Variants in AFG2A observed in about 807,000 individuals in gnomAD.
The protein encoded by AFG2A is AAA ATPase AFG2A.
the AFG2A span, among the ~76,000 whole-genome samples, chr4:122,953,608 G>A: frequency 2.6e-5 from 4 of 152,214 alleles, no homozygotes; most frequent in African/African-American, 9.7e-5. Flanking sequence ...AAGGGTGGCG[G>A]GCTGAACCTG....
chr4:122,927,512 C>T, the AFG2A span: 3 of 945,830 alleles, frequency 3.2e-6, no homozygotes, highest in South Asian at 2.2e-5. Flanking sequence ...CTAGTTTCTC[C>T]AGGGTATGGT....
At chr4:123,100,203 T>C in the AFG2A span, among the ~76,000 whole-genome samples, 4 of 151,818 alleles carry the variant, frequency 2.6e-5, no homozygotes, top group African/African-American at 9.7e-5. Context: ...TGGGGAACTA[T>C]TAATTCACGA....
chr4:123,224,274 A>G, the AFG2A span, among the ~76,000 whole-genome samples: 1 of 151,892 alleles, frequency 6.6e-6, no homozygotes, highest in African/African-American at 2.4e-5. Context: ...GGTTTGTTAC[A>G]TATGTATACA....
At chr4:123,038,296 A>G in the AFG2A span, among the ~76,000 whole-genome samples, 16 of 152,090 alleles carry the variant, frequency 1.1e-4, no homozygotes, top group African/African-American at 3.4e-4. Context: ...AAAAGGGATA[A>G]GACATAGTAA....
At chr4:123,077,142 G>T in the AFG2A span, among the ~76,000 whole-genome samples, 2 of 151,420 alleles carry the variant, frequency 1.3e-5, no homozygotes, top group Non-Finnish European at 2.9e-5. Flanking sequence ...CCGCCTCCTG[G>T]GTTCACACCA....
chr4:122,935,077 T>G, the AFG2A span, among the ~76,000 whole-genome samples: 4 of 152,194 alleles, frequency 2.6e-5, no homozygotes. Context: ...GTAAAACTTC[T>G]TAGGAAATGT....
At chr4:123,090,827 G>T in the AFG2A span, 7 of 1,356,296 alleles carry the variant, frequency 5.2e-6, no homozygotes, top group Non-Finnish European at 7.0e-6. Context: ...ATTGAAGAAT[G>T]TAAAGCAGGT....
At chr4:123,288,809 T>A in the AFG2A span, among the ~76,000 whole-genome samples, 1 of 152,070 alleles carries the variant, frequency 6.6e-6, no homozygotes, top group African/African-American at 2.4e-5. Flanking sequence ...ACCTAGCCCT[T>A]CAGTGTTTCT....
At chr4:123,134,595 A>ATTTT in the AFG2A span, among the ~76,000 whole-genome samples, 344 of 132,682 alleles carry the variant, frequency 2.6e-3, 6 homozygotes, top group East Asian at 0.014. Context: ...GAATTTTAGG[A>ATTTT]TTTTTTTTTT....
chr4:122,944,120 T>C, the AFG2A span, among the ~76,000 whole-genome samples: 1 of 152,206 alleles, frequency 6.6e-6, no homozygotes, highest in South Asian at 2.1e-4. Context: ...TGTCTTGGAA[T>C]TGCTCTTCTC....
At chr4:122,966,175 A>G in the AFG2A span, among the ~76,000 whole-genome samples, 1 of 152,216 alleles carries the variant, frequency 6.6e-6, no homozygotes, top group Non-Finnish European at 1.5e-5. Context: ...TGTGTAAAAT[A>G]GGATACGTTT....
the AFG2A span, among the ~76,000 whole-genome samples, chr4:122,945,462 A>G: frequency 3.3e-5 from 5 of 152,192 alleles, no homozygotes; most frequent in Admixed American, 6.5e-5. Flanking sequence ...TGCGGGATAT[A>G]ATCTCCTGGT....
the AFG2A span, among the ~76,000 whole-genome samples, chr4:123,156,778 A>G: frequency 4.1e-5 from 6 of 146,086 alleles, no homozygotes; most frequent in Non-Finnish European, 6.1e-5. Context: ...AAAAAAAAAG[A>G]AAAAAAAAGA....
chr4:123,252,327 TTAAAA>T, the AFG2A span, among the ~76,000 whole-genome samples: 1 of 152,118 alleles, frequency 6.6e-6, no homozygotes, highest in Non-Finnish European at 1.5e-5. Context: ...GTGAAGTACA[TTAAAA>T]CAAAACAAAA....
chr4:123,023,632 A>T, the AFG2A span, among the ~76,000 whole-genome samples: 1 of 152,170 alleles, frequency 6.6e-6, no homozygotes, highest in Non-Finnish European at 1.5e-5. Flanking sequence ...CTTGATAGTC[A>T]TATAAATTCA....
At chr4:123,023,901 G>A in the AFG2A span, among the ~76,000 whole-genome samples, 118 of 152,044 alleles carry the variant, frequency 7.8e-4, 1 homozygote, top group Admixed American at 1.5e-3. Flanking sequence ...TTTGGCTTCC[G>A]TTCTGGGGGC....
At chr4:123,220,120 C>T in the AFG2A span, among the ~76,000 whole-genome samples, 3 of 152,094 alleles carry the variant, frequency 2.0e-5, no homozygotes, top group Non-Finnish European at 2.9e-5. Flanking sequence ...CCACCTGCCT[C>T]GGCCTCCCAA....
At chr4:122,983,317 T>C in the AFG2A span, among the ~76,000 whole-genome samples, 2 of 152,198 alleles carry the variant, frequency 1.3e-5, no homozygotes, top group Non-Finnish European at 2.9e-5. Context: ...TTATTTCTGC[T>C]CTGATCTTTA....
the AFG2A span, among the ~76,000 whole-genome samples, chr4:122,965,279 T>C: frequency 4.4e-4 from 67 of 152,370 alleles, no homozygotes; most frequent in Middle Eastern, 6.8e-3. Flanking sequence ...TAGCAAGCAC[T>C]GAGTATAAAA....
Sources: gnomAD v4.1 joint callset for allele counts (sites outside exome capture counted in the v4.1 genomes callset) on GRCh38, gnomAD v4.1.1 for gene constraint, MANE v1.5 for transcripts, NCBI Gene and HGNC (gene_info 2026-07-23, HGNC 2026-07-21) for gene names.